Variants in LDLRAD4 observed in about 807,000 individuals in gnomAD.
LDLRAD4 encodes low-density lipoprotein receptor class A domain-containing protein 4.
A neutral mutation model predicts 17.0 loss-of-function variants in LDLRAD4; 5 were observed. The observed-to-expected ratio is 0.29, with a 90% CI of 0.15 to 0.62. The LOEUF is 0.62. LDLRAD4 is among the 20% of genes least tolerant of loss of function. The pLI is 0.84. For synonymous variants in LDLRAD4, 168 were observed against 171.8 expected (o/e 0.98, Z 0.17); for missense variants, 340 against 424.7 (o/e 0.80, Z 1.75).
At chr18:13,332,573 C>T (rs2081919358) in intron 1 of LDLRAD4, among the ~76,000 whole-genome samples, 1 of 152,224 alleles carries the variant, frequency 6.6e-6, no homozygotes, top group African/African-American at 2.4e-5. Context: ...TCTCCCTCCC[C>T]TCAACCTGTG....
intron 1 of LDLRAD4, among the ~76,000 whole-genome samples, chr18:13,225,991 A>C (rs555798893): frequency 1.4e-4 from 21 of 151,928 alleles, no homozygotes; most frequent in African/African-American, 4.6e-4. Flanking sequence ...ACGTCTTTAA[A>C]CTTTTTTTTT....
intron 3 of LDLRAD4, among the ~76,000 whole-genome samples, chr18:13,513,930 G>C (rs1248903746): frequency 6.6e-6 from 1 of 152,170 alleles, no homozygotes; most frequent in Non-Finnish European, 1.5e-5. Context: ...AGTAATATAG[G>C]CTTTTTCAGC....
intron 1 of LDLRAD4, among the ~76,000 whole-genome samples, chr18:13,337,571 C>G (rs2082162121): frequency 6.6e-6 from 1 of 151,926 alleles, no homozygotes; most frequent in Non-Finnish European, 1.5e-5. Context: ...TCAGTGTTAC[C>G]CAGCAAAGAG....
chr18:13,455,335 T>C (rs1450884002), intron 3 of LDLRAD4, among the ~76,000 whole-genome samples: 2 of 152,212 alleles, frequency 1.3e-5, no homozygotes, highest in Non-Finnish European at 2.9e-5. Flanking sequence ...TTTAATTAAA[T>C]GTTGACAAAA....
At chr18:13,458,581 C>T (rs954121817) in intron 3 of LDLRAD4, among the ~76,000 whole-genome samples, 3 of 152,190 alleles carry the variant, frequency 2.0e-5, no homozygotes, top group Admixed American at 6.5e-5. Flanking sequence ...CAGAATAATG[C>T]CCCCCAACAA....
intron 1 of LDLRAD4, among the ~76,000 whole-genome samples, chr18:13,248,006 G>T (rs1313652428): frequency 7.1e-6 from 1 of 140,482 alleles, no homozygotes; most frequent in African/African-American, 2.7e-5. Context: ...TCTTGCCCAG[G>T]CTGGAGTACA....
At chr18:13,547,736 A>G (rs934319268) in intron 3 of LDLRAD4, among the ~76,000 whole-genome samples, 28 of 152,118 alleles carry the variant, frequency 1.8e-4, no homozygotes, top group African/African-American at 6.8e-4. Flanking sequence ...GAAGTTTGGA[A>G]ATGCTAGGAA....
At chr18:13,458,230 G>A (rs1056388013) in intron 3 of LDLRAD4, among the ~76,000 whole-genome samples, 4 of 152,226 alleles carry the variant, frequency 2.6e-5, no homozygotes, top group Admixed American at 1.3e-4. Flanking sequence ...CTGACTCTGC[G>A]TGATGAGGAT....
intron 3 of LDLRAD4, among the ~76,000 whole-genome samples, chr18:13,448,493 CTGCGTAGTCGTGA>C (rs969544266): frequency 7.2e-5 from 11 of 152,268 alleles, no homozygotes; most frequent in Admixed American, 2.6e-4. Flanking sequence ...GCTTGGGTGC[CTGCGTAGTCGTGA>C]TGCTTGTCTT....
chr18:13,420,645 C>G (rs2089357425), intron 2 of LDLRAD4: 1 of 152,180 alleles, frequency 6.6e-6, no homozygotes, highest in Admixed American at 6.5e-5. Flanking sequence ...AGTACTGAAC[C>G]CTACTGTTTA....
At chr18:13,519,776 A>G (rs1010463084) in intron 3 of LDLRAD4, 2 of 152,150 alleles carry the variant, frequency 1.3e-5, no homozygotes, top group Non-Finnish European at 2.9e-5. Flanking sequence ...TAAAAAACAA[A>G]AAAGTGGAAA....
intron 2 of LDLRAD4, among the ~76,000 whole-genome samples, chr18:13,415,346 C>T (rs2088778863): frequency 6.6e-6 from 1 of 152,226 alleles, no homozygotes; most frequent in African/African-American, 2.4e-5. Flanking sequence ...CTCCAGTTAA[C>T]GACCCTTCCC....
chr18:13,599,137 C>T (rs2095130025), intron 3 of LDLRAD4, among the ~76,000 whole-genome samples: 1 of 152,162 alleles, frequency 6.6e-6, no homozygotes, highest in Admixed American at 6.5e-5. Context: ...GCTGTGCTTG[C>T]CTTTCACTGG....
intron 2 of LDLRAD4, among the ~76,000 whole-genome samples, chr18:13,403,751 G>A (rs972205600): frequency 2.6e-5 from 4 of 152,254 alleles, no homozygotes; most frequent in African/African-American, 7.2e-5. Flanking sequence ...ATAGGAGCCA[G>A]GGTGTAAATG....
chr18:13,227,528 T>G (rs1240347473), intron 1 of LDLRAD4, among the ~76,000 whole-genome samples: 1 of 152,096 alleles, frequency 6.6e-6, no homozygotes, highest in East Asian at 1.9e-4. Context: ...GGACAGTGAG[T>G]GGGTCCCACA....
At chr18:13,374,001 C>T (rs1318909568) in intron 1 of LDLRAD4, among the ~76,000 whole-genome samples, 4 of 151,532 alleles carry the variant, frequency 2.6e-5, no homozygotes, top group Non-Finnish European at 4.4e-5. Context: ...ACCATGCAAA[C>T]GTGTGGAAAT....
intron 2 of LDLRAD4, among the ~76,000 whole-genome samples, chr18:13,425,696 G>C (rs972481846): frequency 1.3e-5 from 2 of 152,242 alleles, no homozygotes; most frequent in African/African-American, 4.8e-5. Flanking sequence ...GGACCAGCGT[G>C]AGTTTTCCGT....
At chr18:13,323,070 A>G (rs1321278094) in intron 1 of LDLRAD4, among the ~76,000 whole-genome samples, 2 of 152,242 alleles carry the variant, frequency 1.3e-5, no homozygotes, top group Non-Finnish European at 2.9e-5. Context: ...TTCTACTTTT[A>G]TGAAGCTTGC....
At chr18:13,582,586 C>A (rs1445544345) in intron 3 of LDLRAD4, among the ~76,000 whole-genome samples, 1 of 152,246 alleles carries the variant, frequency 6.6e-6, no homozygotes, top group Non-Finnish European at 1.5e-5. Context: ...ATACCTGTCC[C>A]CACTGGGCCC....
Sources: gnomAD v4.1 joint callset for allele counts (sites outside exome capture counted in the v4.1 genomes callset) on GRCh38, gnomAD v4.1.1 for gene constraint, MANE v1.5 for transcripts, NCBI Gene and HGNC (gene_info 2026-07-23, HGNC 2026-07-21) for gene names.